The following BCAS3 variants were observed in gnomAD, a reference collection of about 807,000 sequenced individuals.
BCAS3 encodes the protein BCAS3 microtubule associated cell migration factor, also known as BCAS4/BCAS3 fusion.
A neutral mutation model predicts 116.1 loss-of-function variants in BCAS3; 53 were observed. The ratio of observed to expected loss-of-function variants is 0.46; its 90% CI spans 0.37 to 0.57. BCAS3 has a LOEUF of 0.57. Ranked by LOEUF, BCAS3 falls within the 20% of genes least tolerant of loss-of-function variation. BCAS3 has a pLI of 0.00. For missense variants in BCAS3, 917 were observed against 1,165.4 expected, an observed-to-expected ratio of 0.79 and a Z score of 3.10; for synonymous variants, 391 against 408.2, an observed-to-expected ratio of 0.96 and a Z score of 0.51.
At chr17:60,948,260 C>T (rs1005210681) in intron 14 of BCAS3, among the ~76,000 whole-genome samples, 1 of 151,988 alleles carries the variant, frequency 6.6e-6, no homozygotes, top group Non-Finnish European at 1.5e-5. Context: ...AGGCACCCAC[C>T]ACCATGCCTG....
chr17:60,811,047 G>T (rs1598874910), intron 7 of BCAS3: 2 of 646,420 alleles, frequency 3.1e-6, no homozygotes, highest in East Asian at 6.3e-5. Context: ...CTGCTGCGTT[G>T]ATTCTCATGG....
rs541247218 is a variant in BCAS3, at chr17:61,260,635, G to A, written c.2426-107692G>A. Among the ~76,000 whole-genome samples, 18 of 152,284 alleles carry A rather than the reference G, an allele frequency of 1.2e-4. No homozygotes were observed. The South Asian group carries it at 1.9e-3, about 16-fold the overall frequency. On this transcript the variant is annotated intron_variant, in intron 22 of 23. Coordinates refer to ENST00000407086, the MANE Select transcript of BCAS3 (RefSeq NM_017679.5). ...GGGTAAAATTAGATGCTGGCTGGACGTCAGTAGTTGAGTTTGAAAGCTTTC... is the reference window on the plus strand; with the variant it reads ...GGGTAAAATTAGATGCTGGCTGGACATCAGTAGTTGAGTTTGAAAGCTTTC...
At position 61,208,871 on chromosome 17, in the gene BCAS3, A is replaced by T. The variant is rs1450210927; in HGVS notation, c.2425+124307A>T. On this transcript the variant is annotated intron_variant, in intron 22 of 23. Transcript: ENST00000407086. This position sits in a 1 kb window ranked among gnomAD's most constrained non-coding sequence, Gnocchi z 4.5. ...GTTTTGTTGCTAAGAGAAAAGTGCT[A>T]AAAAGGAAAAAAAAAAAAAAAGGAG... Among the ~76,000 whole-genome samples the T allele has an allele frequency of 8.8e-5, 4 of 45,286 alleles. No homozygotes were observed. The highest frequency in any genetic ancestry group is 2.2e-4 in the Non-Finnish European group (3 of 13,676). The allele number at this position is 45,286 out of a possible 152,430, so 29.7% of individuals were successfully genotyped here. A position where few individuals can be genotyped will look rare whatever the true frequency, so the allele number is the denominator to read the frequency against.
Position 61,097,944 on chromosome 17 carries a change from G to A in BCAS3, c.2425+13380G>A, listed in dbSNP as rs545967643. ...GTTGAAGAGAATCAACTATTCAGGT[G>A]GTGAAAATGTGTGAATGCAGCTGGC... is the stretch of plus-strand genomic sequence containing the variant. On this transcript the variant is annotated intron_variant, in intron 22 of 23. Transcript: ENST00000407086. The surrounding 1 kb of genome is among the most constrained non-coding windows in gnomAD (Gnocchi z 4.0). 4.6e-5 allele frequency among the ~76,000 whole-genome samples: 7 copies of A among 152,328 alleles called. No homozygotes were observed. The highest frequency in any genetic ancestry group is 1.7e-4 in the African/African-American group (7 of 41,566).
At chr17:60,971,870 T>C (rs1478605470) in intron 14 of BCAS3, among the ~76,000 whole-genome samples, 3 of 152,194 alleles carry the variant, frequency 2.0e-5, no homozygotes, top group Admixed American at 2.0e-4. Flanking sequence ...AAGGCCTCCA[T>C]GGGTCAGTTG....
intron 22 of BCAS3, among the ~76,000 whole-genome samples, chr17:61,091,526 TA>T (rs1261351865): frequency 6.6e-6 from 1 of 152,212 alleles, no homozygotes; most frequent in Non-Finnish European, 1.5e-5. Flanking sequence ...CTGAGAGGCT[TA>T]TGCTTATAGG....
rs886383590 is a variant in BCAS3, at chr17:61,188,305, A to G, written c.2425+103741A>G. ...CCTACTTCTCTTTTCTCTTCAGCCA[A>G]AAGTATTACCTATTATGATGTAGTT... is the stretch of plus-strand genomic sequence containing the variant. On this transcript the variant is annotated intron_variant, in intron 22 of 23. Transcript: ENST00000407086. This position sits in a 1 kb window ranked among gnomAD's most constrained non-coding sequence, Gnocchi z 4.0. 1.3e-5 allele frequency among the ~76,000 whole-genome samples: 2 copies of G among 152,208 alleles called. No homozygotes were observed. Among genetic ancestry groups the G allele is most frequent in the African/African-American group, 4.8e-5 (2 of 41,448 alleles).
chr17:61,075,217 C>T (rs925263611), intron 20 of BCAS3, among the ~76,000 whole-genome samples, 197 bp downstream of exon 20: 17 of 151,892 alleles, frequency 1.1e-4, no homozygotes, highest in South Asian at 2.1e-4. Flanking sequence ...ATACATTATA[C>T]GTGTGTGTAT....
At chr17:61,386,855 T>C (rs1477917900) in intron 23 of BCAS3, among the ~76,000 whole-genome samples, 3 of 146,500 alleles carry the variant, frequency 2.0e-5, no homozygotes, top group South Asian at 4.6e-4. Context: ...CATAGCCCAC[T>C]GCAGCCTGGA....
intron 20 of BCAS3, among the ~76,000 whole-genome samples, chr17:61,076,792 A>G (rs1252155384): frequency 2.0e-5 from 3 of 152,174 alleles, no homozygotes; most frequent in African/African-American, 7.2e-5. Flanking sequence ...CTGTGGCCTA[A>G]TTTACATTGC....
chr17:61,005,619 C>T (rs1210735948), intron 15 of BCAS3, among the ~76,000 whole-genome samples: 1 of 151,912 alleles, frequency 6.6e-6, no homozygotes, highest in African/African-American at 2.4e-5. Flanking sequence ...ATATCCTTAA[C>T]AGTCATGGGT....
intron 14 of BCAS3, among the ~76,000 whole-genome samples, chr17:60,970,998 A>G (rs2061927625): frequency 1.3e-5 from 2 of 152,246 alleles, no homozygotes; most frequent in Admixed American, 1.3e-4. Flanking sequence ...CTTAAGTCAG[A>G]GGCAAAACAT....
chr17:61,256,999 G>C lies in BCAS3; in HGVS notation c.2426-111328G>C, dbSNP rs767369559. Among the ~76,000 whole-genome samples, 2 of 152,026 alleles carry C rather than the reference G, an allele frequency of 1.3e-5. No homozygotes were observed. Among genetic ancestry groups the C allele is most frequent in the African/African-American group, 4.8e-5 (2 of 41,392 alleles). On this transcript the variant is annotated intron_variant, in intron 22 of 23. Coordinates refer to ENST00000407086, the MANE Select transcript of BCAS3 (RefSeq NM_017679.5). This position sits in a 1 kb window ranked among gnomAD's most constrained non-coding sequence, Gnocchi z 5.6. ...GGATTTAAAAAAAAATTTACATTAT[G>C]CTTTTTATTTACACAGCATTTCCGC...
At chr17:60,840,324 G>T (rs1312133926) in intron 7 of BCAS3, among the ~76,000 whole-genome samples, 2 of 152,116 alleles carry the variant, frequency 1.3e-5, no homozygotes, top group African/African-American at 4.8e-5. Flanking sequence ...TTTTAAAGAT[G>T]CAGAAGGTAC....
chr17:61,084,313 A>G lies in BCAS3; in HGVS notation c.2328-154A>G, dbSNP rs1218888220. 6.6e-6 allele frequency among the ~76,000 whole-genome samples: 1 copy of G among 152,206 alleles called. No individual in the cohort carries two copies. The highest frequency in any genetic ancestry group is 1.5e-5 in the Non-Finnish European group (1 of 68,034). ...TGTAGTGTTTTATCCTTGTGCAGCA[A>G]TTAGGGACTGCAGCTCCCCTGTTTG... is the stretch of plus-strand genomic sequence containing the variant. On this transcript the variant is annotated intron_variant, in intron 21 of 23. Coordinates refer to ENST00000407086, the MANE Select transcript of BCAS3 (RefSeq NM_017679.5). The surrounding 1 kb of genome is among the most constrained non-coding windows in gnomAD (Gnocchi z 5.5).
Position 61,012,569 on chromosome 17 carries a change from C to T in BCAS3, c.1487-3182C>T, listed in dbSNP as rs1473701698. On this transcript the variant is annotated intron_variant, in intron 15 of 23. Coordinates refer to ENST00000407086, the MANE Select transcript of BCAS3 (RefSeq NM_017679.5). This position sits in a 1 kb window ranked among gnomAD's most constrained non-coding sequence, Gnocchi z 4.5. The stretch of plus-strand genomic sequence containing the variant: ...TCATTAAAACTGTGTTTATAAGTTG[C>T]TAGCCATATCCATTAATATGTAAGA... Among the ~76,000 whole-genome samples the T allele has an allele frequency of 6.6e-6, 1 of 152,008 alleles. No homozygotes were observed. The highest frequency in any genetic ancestry group is 1.5e-5 in the Non-Finnish European group (1 of 67,952).
At chr17:61,117,495 C>T (rs1335233584) in intron 22 of BCAS3, among the ~76,000 whole-genome samples, 2 of 151,824 alleles carry the variant, frequency 1.3e-5, no homozygotes, top group East Asian at 1.9e-4. Context: ...CTAGGGAGGC[C>T]GAGGGAAGGA....
intron 4 of BCAS3, among the ~76,000 whole-genome samples, chr17:60,697,120 G>A (rs1236968130): frequency 6.6e-6 from 1 of 152,270 alleles, no homozygotes. Context: ...AGCCCAGGAG[G>A]TCGAGGCTTC....
intron 19 of BCAS3, among the ~76,000 whole-genome samples, chr17:61,044,003 T>C (rs572381477): frequency 6.6e-6 from 1 of 152,176 alleles, no homozygotes; most frequent in East Asian, 1.9e-4. Context: ...ACTCAGTGAT[T>C]CGCTAGAAAA....
Sources: allele counts gnomAD v4.1 joint callset (sites outside exome capture counted in the v4.1 genomes callset), GRCh38; gene constraint gnomAD v4.1.1; non-coding constraint Gnocchi (gnomAD v3.1); transcripts MANE v1.5; gene names NCBI Gene and HGNC (gene_info 2026-07-23, HGNC 2026-07-21).